NAV3: variants seen among roughly 807,000 people sequenced by gnomAD.
NAV3 encodes pore membrane and/or filament interacting like protein 1.
Under a neutral mutation model 244.7 loss-of-function variants are expected in NAV3, and 87 were observed. The ratio of observed to expected loss-of-function variants is 0.36; its 90% CI spans 0.30 to 0.42. NAV3 has a LOEUF of 0.42. Among genes scored for constraint, NAV3 ranks in the 20% least tolerant of loss-of-function variants. The probability of loss-of-function intolerance (pLI) is 1.00; values close to 1 mark genes in which losing one functional copy is unlikely to be tolerated. For synonymous variants in NAV3, 1,126 were observed against 1,042.2 expected, an observed-to-expected ratio of 1.08 and a Z score of -1.55; for missense variants, 2,663 against 2,893.3, an observed-to-expected ratio of 0.92 and a Z score of 1.83.
chr12:77,778,884 C>A (rs965645311), intron 2 of NAV3, among the ~76,000 whole-genome samples: 1 of 151,962 alleles, frequency 6.6e-6, no homozygotes, highest in African/African-American at 2.4e-5. Flanking sequence ...AAGCTGAATC[C>A]GTTTGTTTAG....
chr12:77,667,217 A>C (rs966117158), intron 2 of NAV3, among the ~76,000 whole-genome samples: 3 of 152,172 alleles, frequency 2.0e-5, no homozygotes, highest in African/African-American at 7.2e-5. Flanking sequence ...CTTTTGCTCC[A>C]AGAAATACCG....
At chr12:78,159,140 G>T (rs1194210339) in intron 22 of NAV3, 63 bp from the exon 23 acceptor site, 1 of 1,386,592 alleles carries the variant, frequency 7.2e-7, no homozygotes, top group East Asian at 2.3e-5. Flanking sequence ...TAAAATGAAG[G>T]CTTTTCATCC....
intron 5 of NAV3, among the ~76,000 whole-genome samples, chr12:77,993,273 A>AG (rs1269125677): frequency 6.6e-6 from 1 of 152,208 alleles, no homozygotes; most frequent in African/African-American, 2.4e-5. Context: ...TAGAGAAAGT[A>AG]GGGTAGACAT....
chr12:77,581,938 T>C (rs1396086508), intron 2 of NAV3, among the ~76,000 whole-genome samples: 2 of 152,220 alleles, frequency 1.3e-5, no homozygotes, highest in Non-Finnish European at 2.9e-5. Flanking sequence ...CATAACAGTG[T>C]GGGTTAGGCT....
intron 9 of NAV3, among the ~76,000 whole-genome samples, chr12:78,043,784 T>C (rs1881289230): frequency 1.3e-5 from 2 of 152,222 alleles, no homozygotes. Flanking sequence ...TGGGGTTGTT[T>C]TTTTCTTGTA....
chr12:77,955,807 T>C (rs1401848302), intron 3 of NAV3, among the ~76,000 whole-genome samples: 1 of 151,860 alleles, frequency 6.6e-6, no homozygotes, highest in African/African-American at 2.4e-5. Flanking sequence ...GAGGTGGAGG[T>C]TGTAATGAGC....
In NAV3 at chr12:78,050,766, C is replaced by A. The variant is rs761735304; in HGVS notation, c.2135C>A (p.Thr712Asn). The change falls in exon 11 of 40, where the codon ACC becomes AAC. Residue 712 changes from threonine (T) to asparagine (N), a missense_variant and splice_region_variant. Around this residue, in one of 6 missense-constraint regions of NAV3, gnomAD observed 1,521 missense variants for 1,497.0 expected, o/e 1.02. Coordinates refer to ENST00000397909, the MANE Select transcript of NAV3 (RefSeq NM_001024383.2). Reference protein sequence around the residue: ...SLRGTQISHSTLETTFDSTVT... With the variant: ...SLRGTQISHSNLETTFDSTVT... ...TATTTCTCCATTTTATTTGACAGCA[C>A]CCTGGAGACAACATTTGACAGCACT... 28 of 1,590,500 alleles carry A rather than the reference C, an allele frequency of 1.8e-5. No homozygotes were observed. Among genetic ancestry groups the A allele is most frequent in the Non-Finnish European group, 2.2e-5 (26 of 1,164,106 alleles).
At position 78,047,212 on chromosome 12, in the gene NAV3, G is replaced by A. The variant is rs7134913; in HGVS notation, c.2024-2781G>A. On this transcript the variant is annotated intron_variant, in intron 9 of 39. Transcript: ENST00000397909. ...TCTGCTTTAAGAATGTTGAGGCCAG[G>A]TGCGGTGGCTCACGCTTGTAATCCC... is the stretch of plus-strand genomic sequence containing the variant. Among the ~76,000 whole-genome samples the A allele has an allele frequency of 7.0e-3, 1,069 of 152,268 alleles. 4 individuals are homozygous for A. Among genetic ancestry groups the A allele is most frequent in the Non-Finnish European group, 0.012 (822 of 68,028 alleles).
chr12:77,898,809 A>G (rs528861728), intron 1 of NAV3, among the ~76,000 whole-genome samples: 1 of 152,340 alleles, frequency 6.6e-6, no homozygotes, highest in African/African-American at 2.4e-5. Context: ...GATTCCTCTG[A>G]TGGATCTGAG....
chr12:78,050,301 C>T (rs901156718), intron 10 of NAV3, among the ~76,000 whole-genome samples, 200 bp downstream of exon 10: 1 of 152,178 alleles, frequency 6.6e-6, no homozygotes, highest in East Asian at 1.9e-4. Flanking sequence ...ATCTCTATCT[C>T]TATCTGCTAT....
rs1203644311 is a variant in NAV3 at position 77,674,388 on chromosome 12, A to G, written c.72+102122A>G. ...CCAAATGGAGATATTTTCAAATTAT[A>G]CTTTTTTTTTTTTTTGAGATAAGGT... is the stretch of plus-strand genomic sequence containing the variant. On this transcript the variant is annotated intron_variant, in intron 2 of 8. Transcript: ENST00000550042. 8.1e-5 allele frequency among the ~76,000 whole-genome samples: 12 copies of G among 148,230 alleles called. No homozygotes were observed. In the East Asian group the frequency reaches 2.4e-3, roughly 29 times the overall value.
intron 31 of NAV3, among the ~76,000 whole-genome samples, chr12:78,187,291 T>G (rs1165727959): frequency 1.3e-5 from 2 of 151,894 alleles, no homozygotes; most frequent in Non-Finnish European, 2.9e-5. Context: ...AAGGTCACAT[T>G]TCTTAATTAG....
chr12:77,709,451 T>G (rs1050547865), intron 2 of NAV3, among the ~76,000 whole-genome samples: 2 of 152,140 alleles, frequency 1.3e-5, no homozygotes, highest in African/African-American at 2.4e-5. Context: ...AGTGCTGCCT[T>G]TTTCTTTAAC....
At chr12:77,881,974 C>A (rs1027874051) in intron 1 of NAV3, among the ~76,000 whole-genome samples, 58 of 152,038 alleles carry the variant, frequency 3.8e-4, no homozygotes, top group African/African-American at 1.4e-3. Flanking sequence ...TTGGAAGAAT[C>A]AATAATGTTA....
chr12:77,926,943 T>C (rs540175913), intron 1 of NAV3, among the ~76,000 whole-genome samples: 49 of 152,370 alleles, frequency 3.2e-4, no homozygotes, highest in African/African-American at 1.2e-3. Context: ...GAATTTATTC[T>C]CTTTTAACTT....
intron 12 of NAV3, among the ~76,000 whole-genome samples, chr12:78,092,343 A>G (rs1593543843): frequency 6.6e-6 from 1 of 152,212 alleles, no homozygotes; most frequent in Non-Finnish European, 1.5e-5. Flanking sequence ...AAGAGGCCTG[A>G]CTCAGGTAAA....
chr12:77,865,668 C>T (rs2136383467), intron 1 of NAV3, among the ~76,000 whole-genome samples: 1 of 151,956 alleles, frequency 6.6e-6, no homozygotes, highest in East Asian at 1.9e-4. Context: ...TATTTAACAA[C>T]AAACAAATGA....
chr12:77,813,497 A>G (rs1052545829), intron 2 of NAV3, among the ~76,000 whole-genome samples: 7 of 152,140 alleles, frequency 4.6e-5, no homozygotes, highest in African/African-American at 1.7e-4. Flanking sequence ...TGTCATTCAG[A>G]TCACCAGATA....
intron 12 of NAV3, among the ~76,000 whole-genome samples, chr12:78,088,502 C>T (rs770066509): frequency 2.0e-5 from 3 of 151,876 alleles, no homozygotes; most frequent in East Asian, 1.9e-4. Flanking sequence ...TGTTGACATG[C>T]GCTATTGTAA....
Sources: gnomAD v4.1 joint callset for allele counts (sites outside exome capture counted in the v4.1 genomes callset) on GRCh38, gnomAD v4.1.1 for gene constraint, gnomAD v4.1.1 regional missense constraint, MANE v1.5 for transcripts, NCBI Gene and HGNC (gene_info 2026-07-23, HGNC 2026-07-21) for gene names.